Variants in PLSCR4 observed in about 807,000 individuals in gnomAD.
The protein encoded by PLSCR4 is Ca(2+)-dependent phospholipid scramblase 4.
In PLSCR4, 25 loss-of-function variants were observed where a neutral mutation model predicts 36.3. The observed-to-expected ratio is 0.69, with a 90% CI of 0.50 to 0.96. PLSCR4 has a LOEUF of 0.96. Ranked by LOEUF, PLSCR4 falls within the 40% of genes least tolerant of loss-of-function variation. The probability of loss-of-function intolerance (pLI) is 0.00; values close to 1 mark genes in which losing one functional copy is unlikely to be tolerated. For missense variants in PLSCR4, 408 were observed against 414.7 expected, an observed-to-expected ratio of 0.98 and a Z score of 0.14; for synonymous variants, 122 against 132.9, an observed-to-expected ratio of 0.92 and a Z score of 0.56.
Position 146,227,122 on chromosome 3 carries a change from T to C in PLSCR4, c.-21-5030A>G, listed in dbSNP as rs376327349. Among the ~76,000 whole-genome samples, 37 of 152,344 alleles carry C rather than the reference T, an allele frequency of 2.4e-4. No homozygotes were observed. The Middle Eastern group carries it at 0.014, about 56-fold the overall frequency. On this transcript the variant is annotated intron_variant, in intron 1 of 8. Transcript: ENST00000354952. ...AACTGCTTCAGATTTCCCTATCACT[T>C]AGCAACAGCAAAAAGTGCCGTATCT...
In PLSCR4 at chr3:146,195,686, T is replaced by A. The variant is rs558213556; in HGVS notation, c.787-404A>T. On this transcript the variant is annotated intron_variant, in intron 7 of 8. Transcript: ENST00000354952. ...TTCACATCACTTAAGTTTTTGTGAGTGAAATTCACCTTGTCTTCTTAATAT... is the reference window on the plus strand; with the variant it reads ...TTCACATCACTTAAGTTTTTGTGAGAGAAATTCACCTTGTCTTCTTAATAT... Among the ~76,000 whole-genome samples, 15 of 152,242 alleles carry A rather than the reference T, an allele frequency of 9.9e-5. No individual in the cohort carries two copies. In the South Asian group the frequency reaches 3.1e-3, roughly 32 times the overall value.
At chr3:146,196,934 C>T in intron 6 of PLSCR4, 141 bp from the exon 7 acceptor site, 2 of 708,552 alleles carry the variant, frequency 2.8e-6, no homozygotes, top group Admixed American at 2.7e-5. Flanking sequence ...CCTTCCATCT[C>T]ACCCAGGCCA....
chr3:146,199,767 G>C (rs1353007486), intron 6 of PLSCR4, 46 bp downstream of exon 6: 1 of 1,429,234 alleles, frequency 7.0e-7, no homozygotes. Flanking sequence ...ATGCCATGAA[G>C]AGTTAGATCA....
At chr3:146,221,433 T>G (rs2035137807) in intron 2 of PLSCR4, among the ~76,000 whole-genome samples, 1 of 152,220 alleles carries the variant, frequency 6.6e-6, no homozygotes. Context: ...AGTCTACATC[T>G]CCAGTGACTC....
At chr3:146,209,853 C>G (rs922548021) in intron 3 of PLSCR4, among the ~76,000 whole-genome samples, 13 of 151,932 alleles carry the variant, frequency 8.6e-5, no homozygotes, top group Non-Finnish European at 1.6e-4. Context: ...GAAGGCCAGG[C>G]TCAGATAAAG....
chr3:146,224,508 C>A (rs929008963), intron 1 of PLSCR4, among the ~76,000 whole-genome samples: 2 of 149,582 alleles, frequency 1.3e-5, no homozygotes, highest in Non-Finnish European at 2.9e-5. Context: ...CCGATGTATT[C>A]GGAGTTTCTT....
chr3:146,216,557 A>G (rs1164592955), intron 3 of PLSCR4, among the ~76,000 whole-genome samples: 2 of 152,220 alleles, frequency 1.3e-5, no homozygotes, highest in Middle Eastern at 3.2e-3. Flanking sequence ...TATAGTAGAT[A>G]CTATTATTAT....
At chr3:146,210,801 C>T (rs867552707) in intron 3 of PLSCR4, among the ~76,000 whole-genome samples, 1 of 151,848 alleles carries the variant, frequency 6.6e-6, no homozygotes, top group South Asian at 2.1e-4. Flanking sequence ...TTTGCCTAAT[C>T]TACACTTTTC....
chr3:146,201,767 C>G (rs1346211331), intron 4 of PLSCR4, among the ~76,000 whole-genome samples: 1 of 151,778 alleles, frequency 6.6e-6, no homozygotes, highest in East Asian at 1.9e-4. Context: ...TGGGTATATA[C>G]CATTAGAGAA....
intron 6 of PLSCR4, 118 bp from the exon 7 acceptor site, chr3:146,196,911 T>C: frequency 1.1e-6 from 1 of 877,882 alleles, no homozygotes; most frequent in Middle Eastern, 2.4e-4. Flanking sequence ...GAAATTATTG[T>C]TGGGAGTGAC....
At chr3:146,205,379 A>C (rs2108236765) in intron 4 of PLSCR4, among the ~76,000 whole-genome samples, 1 of 152,110 alleles carries the variant, frequency 6.6e-6, no homozygotes, top group African/African-American at 2.4e-5. Context: ...GATCTTAGTA[A>C]CCTTAGCATA....
intron 3 of PLSCR4, among the ~76,000 whole-genome samples, chr3:146,211,286 C>T (rs1187285128): frequency 6.6e-6 from 1 of 151,990 alleles, no homozygotes; most frequent in Non-Finnish European, 1.5e-5. Context: ...TTTTTATTTG[C>T]ATTTTTCTGA....
chr3:146,210,233 T>C (rs1484922098), intron 3 of PLSCR4, among the ~76,000 whole-genome samples: 1 of 152,138 alleles, frequency 6.6e-6, no homozygotes, highest in Non-Finnish European at 1.5e-5. Flanking sequence ...ATCCACACTT[T>C]TTTGAATCCA....
At chr3:146,240,274 T>C (rs2036095997) in intron 1 of PLSCR4, among the ~76,000 whole-genome samples, 1 of 152,092 alleles carries the variant, frequency 6.6e-6, no homozygotes, top group Non-Finnish European at 1.5e-5. Flanking sequence ...AAAAATATTC[T>C]CAATATCACT....
At chr3:146,233,867 G>A (rs980477473) in intron 1 of PLSCR4, among the ~76,000 whole-genome samples, 2 of 152,100 alleles carry the variant, frequency 1.3e-5, no homozygotes, top group Admixed American at 1.3e-4. Flanking sequence ...CCCTCCTGTT[G>A]CTTTCAAACT....
At chr3:146,230,747 G>T (rs1462148830) in intron 1 of PLSCR4, among the ~76,000 whole-genome samples, 3 of 152,204 alleles carry the variant, frequency 2.0e-5, no homozygotes, top group Non-Finnish European at 1.5e-5. Flanking sequence ...CAGTTTTAAA[G>T]AGGTAAGAAC....
At chr3:146,224,497 TC>T (rs2035346180) in intron 1 of PLSCR4, among the ~76,000 whole-genome samples, 1 of 149,126 alleles carries the variant, frequency 6.7e-6, no homozygotes, top group Non-Finnish European at 1.5e-5. Flanking sequence ...CTTCTTATGT[TC>T]CGATGTATTC....
At chr3:146,248,477 TAC>T (rs200464123) in intron 1 of PLSCR4, among the ~76,000 whole-genome samples, 1,524 of 151,172 alleles carry the variant, frequency 0.01, 38 homozygotes, top group African/African-American at 0.036. Flanking sequence ...ATTACTACAC[TAC>T]ACACACACAG....
chr3:146,223,528 C>T (rs529761872), intron 1 of PLSCR4, among the ~76,000 whole-genome samples: 1 of 152,214 alleles, frequency 6.6e-6, no homozygotes, highest in African/African-American at 2.4e-5. Flanking sequence ...CAGTCATTTG[C>T]GTTGTCCAAG....
Sources: allele counts gnomAD v4.1 joint callset (sites outside exome capture counted in the v4.1 genomes callset), GRCh38; gene constraint gnomAD v4.1.1; transcripts MANE v1.5; gene names NCBI Gene and HGNC (gene_info 2026-07-23, HGNC 2026-07-21).